Variants in KCNB2 observed in about 807,000 individuals in gnomAD.
KCNB2 encodes the protein potassium voltage-gated channel subfamily B member 2, also known as delayed rectifier potassium channel protein.
Under a neutral mutation model 61.5 loss-of-function variants are expected in KCNB2, and 15 were observed. The observed-to-expected ratio is 0.24, with a 90% CI of 0.16 to 0.38. The LOEUF is 0.38. KCNB2 is among the 10% of genes least tolerant of loss of function. KCNB2 has a pLI of 1.00. For missense variants in KCNB2, 828 were observed against 1,125.2 expected, an observed-to-expected ratio of 0.74 and a Z score of 3.78; for synonymous variants, 457 against 446.0, an observed-to-expected ratio of 1.02 and a Z score of -0.31.
intron 2 of KCNB2, among the ~76,000 whole-genome samples, chr8:72,580,971 T>A (rs1284609621): frequency 6.6e-6 from 1 of 152,164 alleles, no homozygotes; most frequent in Non-Finnish European, 1.5e-5. Context: ...TCCTTAGCAT[T>A]GCATTTATGA....
chr8:72,851,826 G>GAAAAAAAAAA lies in KCNB2; in HGVS notation c.580-84096_580-84087dup, dbSNP rs55696554. ...TTTTTTTTTAATGTAGAAGCTGTAG[G>GAAAAAAAAAA]AAAAAAAAAAAAAAAAAAAAAACAC... On this transcript the variant is annotated intron_variant, in intron 2 of 2. Coordinates refer to ENST00000523207, the MANE Select transcript of KCNB2 (RefSeq NM_004770.3). Among the ~76,000 whole-genome samples the GAAAAAAAAAA allele has an allele frequency of 3.6e-3, 158 of 43,848 alleles. 17 individuals are homozygous for GAAAAAAAAAA. The highest frequency in any genetic ancestry group is 7.5e-3 in the African/African-American group (80 of 10,732). The allele number at this position is 43,848 out of a possible 152,430, so 28.8% of individuals were successfully genotyped here.
chr8:72,813,412 C>A (rs1253987638), intron 2 of KCNB2, among the ~76,000 whole-genome samples: 1 of 151,512 alleles, frequency 6.6e-6, no homozygotes, highest in East Asian at 1.9e-4. Flanking sequence ...TAAGTTTACA[C>A]CCAAAAAAAA....
chr8:72,830,951 T>C (rs967073290), intron 2 of KCNB2, among the ~76,000 whole-genome samples: 3 of 152,244 alleles, frequency 2.0e-5, no homozygotes, highest in Non-Finnish European at 4.4e-5. Context: ...AAGCTTTAGC[T>C]CAAGTCTTAA....
intron 2 of KCNB2, among the ~76,000 whole-genome samples, chr8:72,583,365 A>G (rs143839297): frequency 1.3e-5 from 2 of 152,300 alleles, no homozygotes; most frequent in Admixed American, 1.3e-4. Flanking sequence ...ATAATTGCTA[A>G]GAGTAAAATT....
At chr8:72,927,181 C>T (rs548172480) in intron 2 of KCNB2, among the ~76,000 whole-genome samples, 1 of 152,216 alleles carries the variant, frequency 6.6e-6, no homozygotes, top group Non-Finnish European at 1.5e-5. Context: ...GAAGGAAGCG[C>T]GTCAAACTCT....
intron 1 of KCNB2, among the ~76,000 whole-genome samples, chr8:72,552,721 T>C (rs922072332): frequency 6.6e-6 from 1 of 152,212 alleles, no homozygotes; most frequent in African/African-American, 2.4e-5. Flanking sequence ...GAACTATCTC[T>C]TGTTTCTGTC....
intron 2 of KCNB2, among the ~76,000 whole-genome samples, chr8:72,583,773 G>A (rs1035048414): frequency 3.3e-5 from 5 of 151,834 alleles, no homozygotes; most frequent in Non-Finnish European, 7.4e-5. Context: ...TATATAGAAT[G>A]AGTGCATTTA....
At chr8:72,913,307 T>C (rs192435051) in intron 2 of KCNB2, among the ~76,000 whole-genome samples, 10 of 152,282 alleles carry the variant, frequency 6.6e-5, no homozygotes, top group East Asian at 3.9e-4. Flanking sequence ...TCAGGAACAA[T>C]AATGATCTCA....
chr8:72,724,385 A>T (rs1157391277), intron 2 of KCNB2, among the ~76,000 whole-genome samples: 1 of 152,236 alleles, frequency 6.6e-6, no homozygotes, highest in East Asian at 1.9e-4. Context: ...GGAAAAACTT[A>T]AATCAAAGTG....
intron 2 of KCNB2, among the ~76,000 whole-genome samples, chr8:72,776,188 G>A (rs888940207): frequency 1.4e-5 from 2 of 148,072 alleles, no homozygotes; most frequent in Non-Finnish European, 3.0e-5. Flanking sequence ...ACTCATAGGT[G>A]GGAATTGAAC....
chr8:72,733,979 A>G (rs1039957206), intron 2 of KCNB2, among the ~76,000 whole-genome samples: 1 of 152,040 alleles, frequency 6.6e-6, no homozygotes, highest in African/African-American at 2.4e-5. Flanking sequence ...CTTTTTATAG[A>G]TGCTGCTTTT....
chr8:72,608,286 G>A (rs1268499294), intron 2 of KCNB2, among the ~76,000 whole-genome samples: 1 of 152,158 alleles, frequency 6.6e-6, no homozygotes. Flanking sequence ...TGGGCAGAGA[G>A]GCAGGCAGAG....
At chr8:72,759,143 C>A (rs1177353876) in intron 2 of KCNB2, among the ~76,000 whole-genome samples, 1 of 152,020 alleles carries the variant, frequency 6.6e-6, no homozygotes, top group African/African-American at 2.4e-5. Flanking sequence ...TAAAAAGAAC[C>A]TTGCTTATTT....
At chr8:72,688,721 C>A (rs1009513250) in intron 2 of KCNB2, among the ~76,000 whole-genome samples, 1 of 151,924 alleles carries the variant, frequency 6.6e-6, no homozygotes, top group African/African-American at 2.4e-5. Context: ...TTAATTTACT[C>A]ATTTTTTAAA....
At chr8:72,865,378 T>C (rs1824235182) in intron 2 of KCNB2, among the ~76,000 whole-genome samples, 1 of 152,168 alleles carries the variant, frequency 6.6e-6, no homozygotes, top group Non-Finnish European at 1.5e-5. Flanking sequence ...CAGTTTCCTG[T>C]CTGCCCCATC....
intron 2 of KCNB2, among the ~76,000 whole-genome samples, chr8:72,919,349 C>T (rs1349096618): frequency 6.6e-6 from 1 of 152,154 alleles, no homozygotes; most frequent in Non-Finnish European, 1.5e-5. Flanking sequence ...CCCTAGGCTC[C>T]TGAAAACCAC....
At chr8:72,793,118 A>T (rs569043772) in intron 2 of KCNB2, among the ~76,000 whole-genome samples, 1 of 152,330 alleles carries the variant, frequency 6.6e-6, no homozygotes, top group Admixed American at 6.5e-5. Context: ...TCGTATTCTG[A>T]TGATTACACG....
intron 2 of KCNB2, among the ~76,000 whole-genome samples, chr8:72,747,122 TCAC>T (rs1050305027): frequency 7.9e-5 from 12 of 152,126 alleles, no homozygotes; most frequent in African/African-American, 2.9e-4. Flanking sequence ...GACACATATT[TCAC>T]CACCACAAAG....
intron 2 of KCNB2, among the ~76,000 whole-genome samples, chr8:72,915,204 G>A (rs1341843731): frequency 6.6e-6 from 1 of 152,294 alleles, no homozygotes; most frequent in East Asian, 1.9e-4. Flanking sequence ...TTACAGGCAT[G>A]AGCCACTGCG....
Sources: allele counts gnomAD v4.1 joint callset (sites outside exome capture counted in the v4.1 genomes callset), GRCh38; gene constraint gnomAD v4.1.1; transcripts MANE v1.5; gene names NCBI Gene and HGNC (gene_info 2026-07-23, HGNC 2026-07-21).